The following WDR48 variants were observed in gnomAD, a reference collection of about 807,000 sequenced individuals.
WDR48 encodes the protein WD repeat domain 48, also known as WD repeat-containing protein 48.
WDR48 carries 22 observed loss-of-function variants against 94.0 expected under a neutral mutation model. That is an observed-to-expected ratio of 0.23 (90% CI 0.17 to 0.33). The LOEUF (loss-of-function observed/expected upper bound fraction) is 0.33. WDR48 is among the 10% of genes least tolerant of loss of function. The pLI is 1.00. For synonymous variants in WDR48, 278 were observed against 280.5 expected, an observed-to-expected ratio of 0.99 and a Z score of 0.09; for missense variants, 541 against 813.8, an observed-to-expected ratio of 0.66 and a Z score of 4.08.
At chr3:39,074,640 G>A (rs1009453152) in intron 7 of WDR48, 86 bp from the exon 8 acceptor site, 9 of 1,295,794 alleles carry the variant, frequency 6.9e-6, no homozygotes, top group Non-Finnish European at 9.8e-6. Flanking sequence ...GTGTTTGACA[G>A]TGTGGACTCG....
intron 8 of WDR48, 81 bp downstream of exon 8, chr3:39,075,031 A>T: frequency 7.4e-7 from 1 of 1,359,322 alleles, no homozygotes; most frequent in Non-Finnish European, 1.0e-6. Context: ...CTATATTAAA[A>T]CATGACTCAA....
chr3:39,059,074 CAA>C (rs1178955423), intron 1 of WDR48, among the ~76,000 whole-genome samples: 4,740 of 69,574 alleles, frequency 0.068, 161 homozygotes, highest in African/African-American at 0.17. Context: ...GACTCCGTCT[CAA>C]AAAAAAAAAA....
At chr3:39,068,656 G>C (rs539657792) in intron 5 of WDR48, 115 bp from the exon 6 acceptor site, 1 of 635,432 alleles carries the variant, frequency 1.6e-6, no homozygotes, top group Non-Finnish European at 2.8e-6. Flanking sequence ...TTTCTTTTCC[G>C]TAGAGGACTT....
chr3:39,052,292 G>T (rs2032467754), intron 1 of WDR48: 2 of 554,554 alleles, frequency 3.6e-6, no homozygotes, highest in Non-Finnish European at 6.4e-6. Flanking sequence ...CGGGACCCTC[G>T]TGGGCGGCAT....
chr3:39,052,126 C>T (rs1309956512), intron 1 of WDR48, 53 bp downstream of exon 1: 55 of 1,606,978 alleles, frequency 3.4e-5, no homozygotes, highest in African/African-American at 5.4e-5. Flanking sequence ...GCTCCGGGCC[C>T]ACTCCAGCTA....
chr3:39,067,511 T>TA (rs1272011304), intron 5 of WDR48, among the ~76,000 whole-genome samples: 2 of 152,222 alleles, frequency 1.3e-5, no homozygotes, highest in African/African-American at 4.8e-5. Flanking sequence ...GTCAGGCTCA[T>TA]ACAAGTCTAG....
intron 18 of WDR48, 178 bp from the exon 19 acceptor site, chr3:39,094,470 C>T: frequency 6.5e-7 from 1 of 1,534,296 alleles, no homozygotes; most frequent in Non-Finnish European, 8.7e-7. Context: ...AAAAGATGTA[C>T]ATCTCACTAA....
Position 39,065,904 on chromosome 3 carries a change from G to C in WDR48, c.268+15G>C, listed in dbSNP as rs1380216908. Reference sequence around the variant, plus strand: ...TGGGAAAACATGTAAGTATTTCTTTGGATTATTATTGGGCTTCTGATATAT... The same window carrying C: ...TGGGAAAACATGTAAGTATTTCTTTCGATTATTATTGGGCTTCTGATATAT... On this transcript the variant is annotated intron_variant, in intron 3 of 18. Coordinates refer to ENST00000302313, the MANE Select transcript of WDR48 (RefSeq NM_020839.4). 1.3e-5 allele frequency: 20 copies of C among 1,553,582 alleles called. No homozygotes were observed. The highest frequency in any genetic ancestry group is 1.7e-5 in the Non-Finnish European group (20 of 1,154,700).
chr3:39,055,211 G>C (rs1051853530), intron 1 of WDR48, among the ~76,000 whole-genome samples: 4 of 152,200 alleles, frequency 2.6e-5, no homozygotes, highest in African/African-American at 9.7e-5. Context: ...TGGAGGCCAG[G>C]CGTGGTGGCT....
intron 7 of WDR48, among the ~76,000 whole-genome samples, chr3:39,071,537 T>A (rs1237583848): frequency 6.6e-6 from 1 of 152,252 alleles, no homozygotes; most frequent in African/African-American, 2.4e-5. Context: ...TTGTTTCCTA[T>A]CTATGCAATT....
chr3:39,080,696 C>T (rs1338809030), intron 11 of WDR48, among the ~76,000 whole-genome samples: 2 of 152,150 alleles, frequency 1.3e-5, no homozygotes, highest in Non-Finnish European at 1.5e-5. Context: ...TTCAGGATAG[C>T]TTATGGATGA....
intron 17 of WDR48, among the ~76,000 whole-genome samples, chr3:39,092,504 A>G (rs1652937194): frequency 6.6e-6 from 1 of 152,166 alleles, no homozygotes; most frequent in Non-Finnish European, 1.5e-5. Context: ...GAGGGGCAGC[A>G]GGGGGATATT....
rs1156861125 is a variant in WDR48, at chr3:39,094,957, G to T, written c.*214G>T. The T allele has an allele frequency of 1.6e-6, 1 of 630,314 alleles. No homozygotes were observed. The highest frequency in any genetic ancestry group is 2.8e-5 in the East Asian group (1 of 35,420). 39.0% of individuals were successfully genotyped at this position (630,314 alleles called of 1,614,324 possible). A position where few individuals can be genotyped will look rare whatever the true frequency, so the allele number is the denominator to read the frequency against. On this transcript the variant is annotated 3_prime_UTR_variant, in exon 19 of 19. Transcript: ENST00000302313. ...TAAGCTGTCCCCAGGGAAGCAGAGT[G>T]CAAGAGCAGAAGAGCCCCAAGCAGA...
chr3:39,078,812 C>T (rs1228045757), intron 10 of WDR48, among the ~76,000 whole-genome samples: 4 of 151,630 alleles, frequency 2.6e-5, no homozygotes, highest in South Asian at 4.2e-4. Flanking sequence ...GGGCGGATCA[C>T]GAGGTCAGGA....
intron 7 of WDR48, among the ~76,000 whole-genome samples, chr3:39,072,425 T>C (rs2033992177): frequency 6.6e-6 from 1 of 152,220 alleles, no homozygotes; most frequent in African/African-American, 2.4e-5. Flanking sequence ...TCTGAGGGTC[T>C]CAGAGCATCA....
chr3:39,078,282 A>G, intron 10 of WDR48, 43 bp downstream of exon 10: 1 of 1,360,800 alleles, frequency 7.3e-7, no homozygotes, highest in Non-Finnish European at 1.0e-6. Context: ...GAAGTTAGCG[A>G]TAGTTACTTA....
intron 8 of WDR48, among the ~76,000 whole-genome samples, chr3:39,075,888 G>A (rs1402032015): frequency 6.6e-6 from 1 of 151,844 alleles, no homozygotes; most frequent in Non-Finnish European, 1.5e-5. Context: ...AGTAGAGATG[G>A]GGTTTCACCG....
chr3:39,063,102 A>G lies in WDR48; in HGVS notation c.101A>G (p.Asn34Ser), dbSNP rs1322999180. 4 of 1,614,150 alleles carry G rather than the reference A, an allele frequency of 2.5e-6. No individual in the cohort carries two copies. Among genetic ancestry groups the G allele is most frequent in the Middle Eastern group, 1.6e-4 (1 of 6,062 alleles). The change falls in exon 2 of 19, where the codon AAT becomes AGT. Residue 34 changes from asparagine (N) to serine (S), a missense_variant. By Grantham distance (46) the Asn-to-Ser change is conservative. Coordinates refer to ENST00000302313, the MANE Select transcript of WDR48 (RefSeq NM_020839.4). ...GAGAAGTACAACCGAAATGGAGTCA[A>G]TGCTCTGCAGCTGGATCCAGCACTA... ...EVEKYNRNGV[N>S]ALQLDPALNR...
At chr3:39,069,612 A>G (rs373614312) in intron 6 of WDR48, 31 bp from the exon 7 acceptor site, 69 of 1,533,254 alleles carry the variant, frequency 4.5e-5, no homozygotes, top group Non-Finnish European at 1.8e-5. Flanking sequence ...TGATATATTT[A>G]GTTTGTGTAA....
Sources: allele counts gnomAD v4.1 joint callset (sites outside exome capture counted in the v4.1 genomes callset), GRCh38; gene constraint gnomAD v4.1.1; transcripts MANE v1.5; gene names NCBI Gene and HGNC (gene_info 2026-07-23, HGNC 2026-07-21).